LINGO2: variants seen among roughly 807,000 people sequenced by gnomAD.
The protein encoded by LINGO2 is leucine rich repeat and Ig domain containing 2, also known as leucine-rich repeat and immunoglobulin-like domain-containing nogo receptor-interacting protein 2.
Under a neutral mutation model 30.6 loss-of-function variants are expected in LINGO2, and 14 were observed. The observed-to-expected ratio is 0.46, with a 90% confidence interval of 0.30 to 0.72. The LOEUF (loss-of-function observed/expected upper bound fraction) is 0.72, where lower values mean the gene tolerates loss of function less well. Among genes scored for constraint, LINGO2 ranks in the 30% least tolerant of loss-of-function variants. The probability of loss-of-function intolerance (pLI) is 0.07; values close to 1 mark genes in which losing one functional copy is unlikely to be tolerated. For synonymous variants in LINGO2, 317 were observed against 288.5 expected (o/e 1.10, Z -1.00); for missense variants, 729 against 751.7 (o/e 0.97, Z 0.35).
the LINGO2 span, among the ~76,000 whole-genome samples, chr9:28,847,998 C>A: frequency 1.6e-5 from 1 of 63,312 alleles, no homozygotes; most frequent in East Asian, 4.1e-4. Flanking sequence ...TGTATATGTA[C>A]ATATATACAT....
chr9:28,189,154 AACC>A (rs1396627226), intron 4 of LINGO2, among the ~76,000 whole-genome samples: 2 of 151,998 alleles, frequency 1.3e-5, no homozygotes, highest in East Asian at 3.9e-4. Context: ...CACCTTTCCA[AACC>A]ACTCAGAAAT....
the LINGO2 span, among the ~76,000 whole-genome samples, chr9:29,108,156 G>C: frequency 6.6e-6 from 1 of 152,142 alleles, no homozygotes; most frequent in Non-Finnish European, 1.5e-5. Flanking sequence ...CACAGCGTCA[G>C]CCATTCATTT....
chr9:27,960,799 T>C (rs966437302), intron 5 of LINGO2, among the ~76,000 whole-genome samples: 3 of 152,070 alleles, frequency 2.0e-5, no homozygotes, highest in Non-Finnish European at 4.4e-5. Flanking sequence ...AGGGATGTCA[T>C]TTTGCTATTT....
the LINGO2 span, among the ~76,000 whole-genome samples, chr9:29,063,323 T>G: frequency 6.6e-6 from 1 of 152,010 alleles, no homozygotes; most frequent in African/African-American, 2.4e-5. Context: ...AATTCATACA[T>G]ATCCATTATT....
At chr9:27,949,077 T>A in exon 6 of LINGO2, 1 of 1,614,178 alleles carries the variant, frequency 6.2e-7, no homozygotes, top group East Asian at 2.2e-5. Flanking sequence ...GGAAAAAGTA[T>A]TGGCATTGGT....
the LINGO2 span, among the ~76,000 whole-genome samples, chr9:28,983,592 C>T: frequency 7.9e-5 from 12 of 151,562 alleles, no homozygotes; most frequent in South Asian, 1.2e-3. Flanking sequence ...ACTATATGAA[C>T]GGATCCTCAA....
intron 5 of LINGO2, among the ~76,000 whole-genome samples, chr9:27,963,229 C>A (rs1025509677): frequency 2.0e-5 from 3 of 152,084 alleles, no homozygotes; most frequent in African/African-American, 7.2e-5. Flanking sequence ...TAAATAATAG[C>A]TGTCATTGTG....
chr9:28,110,727 C>A (rs1826755087), intron 4 of LINGO2, among the ~76,000 whole-genome samples: 1 of 152,114 alleles, frequency 6.6e-6, no homozygotes, highest in South Asian at 2.1e-4. Context: ...ATTAAAAAGT[C>A]AGGAAACAGC....
At chr9:29,002,729 T>C in the LINGO2 span, among the ~76,000 whole-genome samples, 3 of 152,030 alleles carry the variant, frequency 2.0e-5, no homozygotes, top group Non-Finnish European at 4.4e-5. Flanking sequence ...GACCTGACTC[T>C]GCTCAGGTAC....
intron 2 of LINGO2, among the ~76,000 whole-genome samples, chr9:28,385,479 A>G (rs552354209): frequency 9.8e-5 from 15 of 152,286 alleles, no homozygotes; most frequent in African/African-American, 3.4e-4. Context: ...TGAATTAAGA[A>G]ATATAGAAAA....
At chr9:28,245,088 A>G (rs983065695) in intron 4 of LINGO2, among the ~76,000 whole-genome samples, 1 of 152,204 alleles carries the variant, frequency 6.6e-6, no homozygotes, top group African/African-American at 2.4e-5. Context: ...CCAGCACCAC[A>G]TCAAAAAGTT....
At chr9:28,839,531 G>A in the LINGO2 span, among the ~76,000 whole-genome samples, 396 of 152,156 alleles carry the variant, frequency 2.6e-3, 1 homozygote, top group African/African-American at 9.1e-3. Context: ...TAGGCAGGTC[G>A]TCCCCACATC....
At chr9:28,356,817 C>G (rs992222006) in intron 3 of LINGO2, among the ~76,000 whole-genome samples, 1 of 151,992 alleles carries the variant, frequency 6.6e-6, no homozygotes, top group Non-Finnish European at 1.5e-5. Flanking sequence ...CCCAGAAGCT[C>G]TTACTATTGG....
intron 2 of LINGO2, among the ~76,000 whole-genome samples, chr9:28,440,308 A>T (rs528111827): frequency 1.3e-5 from 2 of 152,220 alleles, no homozygotes; most frequent in Non-Finnish European, 2.9e-5. Flanking sequence ...AGTCAAATGT[A>T]TATAAAAAGG....
At chr9:29,021,681 AAAGGAAGGAAGGAAGG>A in the LINGO2 span, among the ~76,000 whole-genome samples, 983 of 93,656 alleles carry the variant, frequency 0.01, 16 homozygotes, top group African/African-American at 0.032. Flanking sequence ...GAAAGAAAAG[AAAGGAAGGAAGGAAGG>A]AAGGAAGGAA....
In LINGO2 at chr9:28,433,919, CTCTT is replaced by C. The variant is rs1201554992; in HGVS notation, c.-279+42017_-279+42020del. 6.0e-4 allele frequency among the ~76,000 whole-genome samples: 36 copies of C among 59,894 alleles called. 1 individual carries two copies. The highest frequency in any genetic ancestry group is 1.7e-3 in the South Asian group (2 of 1,210). 39.3% of individuals were successfully genotyped at this position (59,894 alleles called of 152,430 possible). On this transcript the variant is annotated intron_variant, in intron 2 of 5. Coordinates refer to ENST00000379992, the Ensembl canonical transcript of LINGO2. ...TGAGTGGATAAAGAAAATGTGCTCT[CTCTT>C]TCTCTCTCTCTCTCTCTCTCTCTCT...
intron 1 of LINGO2, among the ~76,000 whole-genome samples, chr9:28,622,114 C>T (rs1320480609): frequency 6.6e-6 from 1 of 151,954 alleles, no homozygotes; most frequent in Non-Finnish European, 1.5e-5. Context: ...ATAATCATAG[C>T]AAATGAGGTA....
the LINGO2 span, among the ~76,000 whole-genome samples, chr9:29,125,913 CA>C: frequency 6.6e-6 from 1 of 151,944 alleles, no homozygotes; most frequent in African/African-American, 2.4e-5. Flanking sequence ...ACTAATCAAG[CA>C]AAATATAAAA....
chr9:29,187,968 T>C, the LINGO2 span, among the ~76,000 whole-genome samples: 1 of 150,898 alleles, frequency 6.6e-6, no homozygotes, highest in Non-Finnish European at 1.5e-5. Context: ...CTTTTTTTTT[T>C]CCAAATAAAA....
Sources: allele counts gnomAD v4.1 joint callset (sites outside exome capture counted in the v4.1 genomes callset), GRCh38; gene constraint gnomAD v4.1.1; transcripts MANE v1.5; gene names NCBI Gene and HGNC (gene_info 2026-07-23, HGNC 2026-07-21).